The following THTPA variants were observed in gnomAD, a reference collection of about 807,000 sequenced individuals.
The protein encoded by THTPA is thiamine-triphosphatase.
Under a neutral mutation model 16.5 loss-of-function variants are expected in THTPA, and 16 were observed. The observed-to-expected ratio is 0.97, with a 90% CI of 0.66 to 1.47. THTPA has a LOEUF of 1.47. Ranked by LOEUF, THTPA falls within the 40% of genes most tolerant of loss-of-function variation. The pLI is 0.00. For synonymous variants in THTPA, 110 were observed against 115.5 expected (o/e 0.95, Z 0.30); for missense variants, 281 against 280.9 (o/e 1.00, Z 0.00).
the THTPA span, chr14:23,522,795 G>A: frequency 6.5e-7 from 1 of 1,536,344 alleles, no homozygotes; most frequent in Non-Finnish European, 8.7e-7. Flanking sequence ...CCTGGGACAG[G>A]GTCAGTGGTG....
chr14:23,513,099 C>T, the THTPA span: 3 of 152,420 alleles, frequency 2.0e-5, no homozygotes, highest in Non-Finnish European at 2.9e-5. Context: ...TGCCAGCTCT[C>T]CAAATGCCAC....
chr14:23,558,912 T>TCCCCTCAGTGTCCCTTC lies in THTPA; in HGVS notation c.*73_*89dup. 6.4e-7 allele frequency: 1 copy of TCCCCTCAGTGTCCCTTC among 1,574,276 alleles called. No homozygotes were observed. The highest frequency in any genetic ancestry group is 8.7e-7 in the Non-Finnish European group (1 of 1,154,944). ...TCCACTCCTGGGCCCACTGTGCCTC[T>TCCCCTCAGTGTCCCTTC]CCCCTCAGTGTCCCTTCTGACAGTG... On this transcript the variant is annotated 3_prime_UTR_variant, in exon 2 of 2. Coordinates refer to ENST00000288014, the MANE Select transcript of THTPA (RefSeq NM_024328.6).
the THTPA span, chr14:23,522,470 G>A: frequency 6.5e-7 from 1 of 1,535,646 alleles, no homozygotes; most frequent in Non-Finnish European, 8.7e-7. Flanking sequence ...GGGCTGGGGT[G>A]GCGGCTGGAG....
At chr14:23,555,433 C>G (rs2138973386), upstream of THTPA, among the ~76,000 whole-genome samples, 1 of 152,348 alleles carries the variant, frequency 6.6e-6, no homozygotes, top group Admixed American at 6.5e-5. Context: ...TCGTCTTCTC[C>G]TTACGTACCA....
In THTPA at chr14:23,559,849, G is replaced by A; in HGVS notation, c.*1009G>A. On this transcript the variant is annotated 3_prime_UTR_variant, in exon 2 of 2. Transcript: ENST00000288014. ...GAGGCGCAGCTTTAGCCGCAGGGGG[G>A]CCTAGGAATAGGAGAGCAGGGACCA... 2 of 1,614,060 alleles carry A rather than the reference G, an allele frequency of 1.2e-6. No individual in the cohort carries two copies. The highest frequency in any genetic ancestry group is 1.7e-4 in the Middle Eastern group (1 of 6,056).
the THTPA span, chr14:23,523,673 G>A: frequency 1.9e-6 from 3 of 1,540,506 alleles, no homozygotes; most frequent in Non-Finnish European, 2.6e-6. This position sits in a 1 kb window ranked among gnomAD's most constrained non-coding sequence, Gnocchi z 4.1. Flanking sequence ...CTGCATGGTG[G>A]GGGTGCGGTA....
At chr14:23,529,923 G>A in the THTPA span, among the ~76,000 whole-genome samples, 1 of 152,158 alleles carries the variant, frequency 6.6e-6, no homozygotes, top group Non-Finnish European at 1.5e-5. Flanking sequence ...GGGTCAGTAG[G>A]ATGGTCAGGT....
chr14:23,557,579 T>A (rs533013580), intron 1 of THTPA, among the ~76,000 whole-genome samples: 1 of 152,338 alleles, frequency 6.6e-6, no homozygotes, highest in Admixed American at 6.5e-5. Flanking sequence ...ATTTTCTAAG[T>A]TTGCTTACAG....
At chr14:23,521,667 T>C in the THTPA span, 1 of 386,872 alleles carries the variant, frequency 2.6e-6, no homozygotes, top group Non-Finnish European at 4.7e-6. Context: ...TAGGCAGACA[T>C]GTATGAATAA....
chr14:23,521,768 G>T, the THTPA span: 1 of 961,122 alleles, frequency 1.0e-6, no homozygotes, highest in Non-Finnish European at 1.5e-6. Flanking sequence ...GTGTGTGTCT[G>T]TGGGGATTGG....
In THTPA at chr14:23,560,172, A is replaced by C; in HGVS notation, c.*1332A>C. On this transcript the variant is annotated 3_prime_UTR_variant, in exon 2 of 2. Coordinates refer to ENST00000288014, the MANE Select transcript of THTPA (RefSeq NM_024328.6). ...TCCAGATGACTCAATCCCATCTCAC[A>C]CTGTCTCCCACCCACCTCCTCCACT... is the stretch of plus-strand genomic sequence containing the variant. 2.6e-6 allele frequency: 4 copies of C among 1,541,214 alleles called. No homozygotes were observed.
At position 23,559,768 on chromosome 14, in the gene THTPA, G is replaced by C. The variant is rs1883135013; in HGVS notation, c.*928G>C. 3 of 1,614,142 alleles carry C rather than the reference G, an allele frequency of 1.9e-6. No individual in the cohort carries two copies. The highest frequency in any genetic ancestry group is 2.5e-6 in the Non-Finnish European group (3 of 1,180,016). ...AGACAGTTACTGCCACGATTCCACAGGCAAGTTGTTCACCTCAAAGATCTC... is the reference window on the plus strand; with the variant it reads ...AGACAGTTACTGCCACGATTCCACACGCAAGTTGTTCACCTCAAAGATCTC... On this transcript the variant is annotated 3_prime_UTR_variant, in exon 2 of 2. Coordinates refer to ENST00000288014, the MANE Select transcript of THTPA (RefSeq NM_024328.6).
chr14:23,531,864 A>G, the THTPA span: 17 of 1,112,112 alleles, frequency 1.5e-5, no homozygotes, highest in East Asian at 1.6e-4. Context: ...TGAAGCCTCT[A>G]CCTCCTGGGT....
At chr14:23,518,818 C>T in the THTPA span, among the ~76,000 whole-genome samples, 1 of 152,230 alleles carries the variant, frequency 6.6e-6, no homozygotes. The surrounding 1 kb of genome is among the most constrained non-coding windows in gnomAD (Gnocchi z 4.5). Context: ...GCATTAGCCT[C>T]TAGGATTCTG....
the THTPA span, chr14:23,534,270 G>C: frequency 6.5e-7 from 1 of 1,530,762 alleles, no homozygotes; most frequent in East Asian, 2.5e-5. This position sits in a 1 kb window ranked among gnomAD's most constrained non-coding sequence, Gnocchi z 4.5. Context: ...TGGGGTCCCA[G>C]GTGGCTGTGG....
At chr14:23,540,227 G>C in the THTPA span, among the ~76,000 whole-genome samples, 1 of 152,192 alleles carries the variant, frequency 6.6e-6, no homozygotes, top group East Asian at 1.9e-4. Flanking sequence ...CTGGGCTAAA[G>C]CAATCTGCCC....
chr14:23,555,600 C>T (rs1595209955), upstream of THTPA: 1 of 152,248 alleles, frequency 6.6e-6, no homozygotes, highest in Non-Finnish European at 1.5e-5. Flanking sequence ...CCTCAACGTT[C>T]ATGCCAGGAG....
At chr14:23,538,394 A>G in the THTPA span, among the ~76,000 whole-genome samples, 1 of 148,152 alleles carries the variant, frequency 6.7e-6, no homozygotes, top group African/African-American at 2.5e-5. Context: ...CTTTAGCTGC[A>G]GCGATTATTT....
At chr14:23,533,168 G>C in the THTPA span, 19 of 1,447,564 alleles carry the variant, frequency 1.3e-5, no homozygotes, top group Non-Finnish European at 1.6e-5. The surrounding 1 kb of genome is among the most constrained non-coding windows in gnomAD (Gnocchi z 4.8). Flanking sequence ...TTAATGAGTA[G>C]GATAGTGCTC....
Sources: allele counts gnomAD v4.1 joint callset (sites outside exome capture counted in the v4.1 genomes callset), GRCh38; gene constraint gnomAD v4.1.1; non-coding constraint Gnocchi (gnomAD v3.1); transcripts MANE v1.5; gene names NCBI Gene and HGNC (gene_info 2026-07-23, HGNC 2026-07-21).